FMN1: variants seen among roughly 807,000 people sequenced by gnomAD.
FMN1 encodes the protein formin-1.
In FMN1, 110 loss-of-function variants were observed where a neutral mutation model predicts 132.4. The ratio of observed to expected loss-of-function variants is 0.83; its 90% CI spans 0.71 to 0.97. The LOEUF (loss-of-function observed/expected upper bound fraction) is 0.97. FMN1 is among the 50% of genes least tolerant of loss of function. FMN1 has a pLI of 0.00. For missense variants in FMN1, 1,792 were observed against 1,705.3 expected, an observed-to-expected ratio of 1.05 and a Z score of -0.90; for synonymous variants, 722 against 651.7, an observed-to-expected ratio of 1.11 and a Z score of -1.64.
Position 32,798,514 on chromosome 15 carries a change from G to A in FMN1, c.4130+290C>T, listed in dbSNP as rs551170433. The stretch of plus-strand genomic sequence containing the variant: ...GCCTGGGCCAACATGAAAATACACA[G>A]AGAAGCAATCTGTTGCAAATTAGCA... On this transcript the variant is annotated intron_variant, in intron 19 of 20. Coordinates refer to ENST00000616417, the MANE Select transcript of FMN1 (RefSeq NM_001277313.2). Among the ~76,000 whole-genome samples the A allele has an allele frequency of 6.2e-4, 95 of 152,334 alleles. 1 individual carries two copies. Among genetic ancestry groups the A allele is most frequent in the Non-Finnish European group, 1.1e-3 (78 of 68,032 alleles).
At chr15:32,966,495 A>AGT (rs2031244258) in intron 8 of FMN1, among the ~76,000 whole-genome samples, 1 of 152,108 alleles carries the variant, frequency 6.6e-6, no homozygotes, top group Admixed American at 6.6e-5. Flanking sequence ...GGAGAGAGAG[A>AGT]GAAAGAGGAG....
intron 9 of FMN1, among the ~76,000 whole-genome samples, chr15:32,942,465 G>A (rs1486534675): frequency 6.6e-6 from 1 of 152,144 alleles, no homozygotes; most frequent in East Asian, 1.9e-4. Context: ...TTGGCAGACA[G>A]GGCCAAAAAT....
chr15:32,774,943 C>T (rs1025905081), intron 20 of FMN1, among the ~76,000 whole-genome samples: 6 of 152,124 alleles, frequency 3.9e-5, no homozygotes, highest in Admixed American at 3.3e-4. Flanking sequence ...GCTGGGAAGA[C>T]GTAAGAATAC....
At chr15:32,912,051 C>T (rs997042229) in intron 10 of FMN1, among the ~76,000 whole-genome samples, 1 of 152,064 alleles carries the variant, frequency 6.6e-6, no homozygotes, top group South Asian at 2.1e-4. Context: ...CCAACATGAG[C>T]GCATAAGAAA....
chr15:32,887,415 G>A (rs544058098), intron 16 of FMN1, among the ~76,000 whole-genome samples: 11 of 152,148 alleles, frequency 7.2e-5, no homozygotes, highest in Admixed American at 2.0e-4. Context: ...GTAAAAACAC[G>A]AGACTCTAGA....
chr15:33,191,532 T>C (rs1966079322), intron 2 of FMN1, among the ~76,000 whole-genome samples: 1 of 152,236 alleles, frequency 6.6e-6, no homozygotes, highest in Non-Finnish European at 1.5e-5. Context: ...ACTAAGGCAG[T>C]ATTTGCTGAA....
At chr15:33,003,600 T>C (rs997886050) in intron 7 of FMN1, among the ~76,000 whole-genome samples, 3 of 152,120 alleles carry the variant, frequency 2.0e-5, no homozygotes, top group African/African-American at 7.2e-5. Flanking sequence ...ATCAATATCG[T>C]GAAAATGGCC....
intron 6 of FMN1, among the ~76,000 whole-genome samples, chr15:33,013,975 G>C (rs538059161): frequency 6.6e-6 from 1 of 152,240 alleles, no homozygotes; most frequent in South Asian, 2.1e-4. Flanking sequence ...AACCGATGAA[G>C]GAGACTACTG....
intron 7 of FMN1, among the ~76,000 whole-genome samples, chr15:32,995,587 T>C (rs899359018): frequency 1.3e-5 from 2 of 152,246 alleles, no homozygotes; most frequent in African/African-American, 4.8e-5. Flanking sequence ...TTATCTGTTA[T>C]TATCATCATT....
intron 7 of FMN1, among the ~76,000 whole-genome samples, chr15:33,006,773 G>T (rs530652697): frequency 1.1e-3 from 172 of 152,202 alleles, no homozygotes; most frequent in African/African-American, 3.9e-3. Flanking sequence ...ATTATGTTAC[G>T]TGAAATATGC....
intron 9 of FMN1, among the ~76,000 whole-genome samples, chr15:32,963,148 G>A (rs868749215): frequency 9.0e-4 from 136 of 150,400 alleles, no homozygotes; most frequent in African/African-American, 3.3e-3. Context: ...ATACACCATG[G>A]AATACTATGC....
At chr15:33,004,913 T>C (rs1403132369) in intron 7 of FMN1, among the ~76,000 whole-genome samples, 3 of 152,054 alleles carry the variant, frequency 2.0e-5, no homozygotes, top group Non-Finnish European at 4.4e-5. Flanking sequence ...CTGGAAACCA[T>C]CATTCTCAGC....
intron 4 of FMN1, among the ~76,000 whole-genome samples, chr15:33,125,201 TAAG>T (rs1181632226): frequency 1.3e-5 from 2 of 151,874 alleles, no homozygotes; most frequent in Admixed American, 6.6e-5. Context: ...TTACTCAGCT[TAAG>T]AAGGTCACCT....
intron 9 of FMN1, among the ~76,000 whole-genome samples, chr15:32,935,772 C>T (rs1464510059): frequency 1.3e-5 from 2 of 152,034 alleles, no homozygotes; most frequent in Admixed American, 6.6e-5. Context: ...GGATTACAGG[C>T]GTGCGCCACC....
intron 12 of FMN1, among the ~76,000 whole-genome samples, chr15:32,902,584 A>C (rs190205514): frequency 2.0e-5 from 3 of 152,378 alleles, no homozygotes; most frequent in Admixed American, 2.0e-4. Context: ...ATATTTGTTT[A>C]CTTTTTCACA....
At chr15:32,850,925 G>A (rs1183797339) in intron 17 of FMN1, among the ~76,000 whole-genome samples, 3 of 152,072 alleles carry the variant, frequency 2.0e-5, no homozygotes, top group African/African-American at 7.2e-5. Flanking sequence ...CAGGCGTGGT[G>A]GCAGGTGCCT....
At chr15:33,169,714 A>C (rs1464293739) in intron 3 of FMN1, among the ~76,000 whole-genome samples, 1 of 143,816 alleles carries the variant, frequency 7.0e-6, no homozygotes, top group Non-Finnish European at 1.5e-5. Context: ...CCAGCTTTTT[A>C]TAAAAAGCCT....
chr15:33,067,120 G>A (rs1167343333), intron 5 of FMN1: 1 of 1,613,894 alleles, frequency 6.2e-7, no homozygotes, highest in African/African-American at 1.3e-5. Context: ...CACTCTCAGT[G>A]ATACCAACAC....
intron 7 of FMN1, among the ~76,000 whole-genome samples, chr15:33,003,270 G>A (rs2034218353): frequency 6.6e-6 from 1 of 152,206 alleles, no homozygotes; most frequent in African/African-American, 2.4e-5. Flanking sequence ...GTCCCTGTTT[G>A]CAGATGACGT....
Sources: allele counts gnomAD v4.1 joint callset (sites outside exome capture counted in the v4.1 genomes callset), GRCh38; gene constraint gnomAD v4.1.1; transcripts MANE v1.5; gene names NCBI Gene and HGNC (gene_info 2026-07-23, HGNC 2026-07-21).